MAGI1: variants seen among roughly 807,000 people sequenced by gnomAD.
MAGI1 encodes the protein membrane associated guanylate kinase, WW and PDZ domain containing 1.
Under a neutral mutation model 139.9 loss-of-function variants are expected in MAGI1, and 58 were observed. That is an observed-to-expected ratio of 0.41 (90% CI 0.34 to 0.52). MAGI1 has a LOEUF of 0.52. Among genes scored for constraint, MAGI1 ranks in the 20% least tolerant of loss-of-function variants. MAGI1 has a pLI of 0.12. For missense variants in MAGI1, 1,874 were observed against 1,901.6 expected (o/e 0.99, Z 0.27); for synonymous variants, 812 against 737.9 (o/e 1.10, Z -1.63).
chr3:65,935,517 G>A (rs2063007800), intron 1 of MAGI1, among the ~76,000 whole-genome samples: 1 of 152,188 alleles, frequency 6.6e-6, no homozygotes, highest in Non-Finnish European at 1.5e-5. Context: ...AGCTACTCGG[G>A]AGGCTGAGAT....
rs950976891 is a variant in MAGI1, at chr3:65,453,295, G to A, written c.1005C>T (p.Asn335=). 13 of 1,608,092 alleles carry A rather than the reference G, an allele frequency of 8.1e-6. No homozygotes were observed. The highest frequency in any genetic ancestry group is 1.1e-5 in the Non-Finnish European group (13 of 1,177,460). The change falls in exon 6 of 23, where the codon AAC becomes AAT. Residue 335 remains asparagine (N), a synonymous_variant. Coordinates refer to ENST00000402939, the MANE Select transcript of MAGI1 (RefSeq NM_001033057.2). ...ACTCTTCCAGTGGCTTCTGCTGCTT[G>A]TTTAGGCACCGAGGGTCTAACCAAG... The part of the protein sequence containing the change: ...TTSWLDPRCL[N]KQQKPLEECE...
intron 1 of MAGI1, among the ~76,000 whole-genome samples, chr3:65,624,122 ATCAAG>A (rs1295365497): frequency 3.3e-5 from 5 of 152,248 alleles, no homozygotes; most frequent in Non-Finnish European, 7.3e-5. Context: ...GACTGAAAGT[ATCAAG>A]TGTTGGCAAG....
intron 14 of MAGI1, among the ~76,000 whole-genome samples, chr3:65,388,762 C>G (rs1943652497): frequency 6.7e-6 from 1 of 150,200 alleles, no homozygotes; most frequent in Non-Finnish European, 1.5e-5. Context: ...GGAACAGGTT[C>G]TCATTTGTGC....
chr3:66,021,227 G>A (rs2067943081), intron 1 of MAGI1, among the ~76,000 whole-genome samples: 1 of 152,148 alleles, frequency 6.6e-6, no homozygotes, highest in African/African-American at 2.4e-5. Context: ...TGCCACATGT[G>A]GCTAGGGAAT....
intron 14 of MAGI1, among the ~76,000 whole-genome samples, chr3:65,386,063 G>C (rs2106937818): frequency 6.6e-6 from 1 of 152,232 alleles, no homozygotes; most frequent in Admixed American, 6.5e-5. Context: ...AAGGGCCTCT[G>C]CAGAGACTTC....
chr3:65,504,532 T>C (rs1033539156), intron 2 of MAGI1, among the ~76,000 whole-genome samples: 2 of 152,160 alleles, frequency 1.3e-5, no homozygotes, highest in African/African-American at 4.8e-5. Context: ...TGGGAACTTC[T>C]GTACACAAAG....
chr3:65,833,523 A>G (rs964508448), intron 1 of MAGI1, among the ~76,000 whole-genome samples: 1 of 152,192 alleles, frequency 6.6e-6, no homozygotes, highest in Non-Finnish European at 1.5e-5. Flanking sequence ...AAACAGAAAG[A>G]CTGAAGATGA....
chr3:66,037,051 C>G (rs565186870), intron 1 of MAGI1, among the ~76,000 whole-genome samples: 54 of 152,278 alleles, frequency 3.5e-4, no homozygotes, highest in Admixed American at 2.9e-3. Flanking sequence ...GTCATCCCCC[C>G]ACTCCTTCCT....
chr3:65,580,257 T>C (rs1354781972), intron 2 of MAGI1, among the ~76,000 whole-genome samples: 2 of 152,206 alleles, frequency 1.3e-5, no homozygotes, highest in East Asian at 1.9e-4. Context: ...TTCAATCTAA[T>C]TTGAGATGAG....
intron 1 of MAGI1, among the ~76,000 whole-genome samples, chr3:65,772,588 C>G (rs1280790778): frequency 2.0e-5 from 3 of 152,216 alleles, no homozygotes; most frequent in South Asian, 4.1e-4. Context: ...AGGCCAGGAG[C>G]TGCCACATGG....
At chr3:65,984,710 TTC>T (rs1491138979) in intron 1 of MAGI1, among the ~76,000 whole-genome samples, 13,649 of 43,840 alleles carry the variant, frequency 0.31, 1,127 homozygotes, top group East Asian at 0.44. Flanking sequence ...TAATTTTTTT[TTC>T]TTTTTTTTTT....
intron 2 of MAGI1, among the ~76,000 whole-genome samples, chr3:65,507,688 T>C (rs761246143): frequency 1.1e-3 from 175 of 152,358 alleles, no homozygotes; most frequent in Non-Finnish European, 6.8e-4. Flanking sequence ...CAAAATCATT[T>C]AGACCCAGCT....
chr3:65,365,126 T>C (rs1205205308), intron 18 of MAGI1, 180 bp from the exon 19 acceptor site: 2 of 756,408 alleles, frequency 2.6e-6, no homozygotes, highest in African/African-American at 1.7e-5. Context: ...AGATCTTCTC[T>C]GATGTGGGTC....
intron 1 of MAGI1, among the ~76,000 whole-genome samples, chr3:65,992,380 G>A (rs1486789711): frequency 6.6e-6 from 1 of 152,178 alleles, no homozygotes; most frequent in African/African-American, 2.4e-5. Context: ...AGATCCTTGA[G>A]TACTAGCCTT....
chr3:65,372,386 C>G (rs1165297897), intron 18 of MAGI1, among the ~76,000 whole-genome samples: 1 of 152,088 alleles, frequency 6.6e-6, no homozygotes, highest in African/African-American at 2.4e-5. Flanking sequence ...CTCAATAAAC[C>G]ACAGCACAAC....
intron 1 of MAGI1, among the ~76,000 whole-genome samples, chr3:66,034,053 T>C (rs1156366254): frequency 6.6e-6 from 1 of 152,184 alleles, no homozygotes; most frequent in East Asian, 1.9e-4. Context: ...GTCTATACCC[T>C]AGTACAGTAG....
At chr3:65,741,126 A>T (rs2035225016) in intron 1 of MAGI1, among the ~76,000 whole-genome samples, 1 of 151,986 alleles carries the variant, frequency 6.6e-6, no homozygotes, top group African/African-American at 2.4e-5. Context: ...AGAGAACTTG[A>T]TCAACTGTGG....
At chr3:65,613,120 G>C (rs886095535) in intron 2 of MAGI1, among the ~76,000 whole-genome samples, 43 of 152,120 alleles carry the variant, frequency 2.8e-4, no homozygotes, top group Non-Finnish European at 1.6e-4. Flanking sequence ...TGTGGAGGTG[G>C]TTAGAACTAG....
At chr3:65,391,675 C>T (rs1012286314) in intron 13 of MAGI1, among the ~76,000 whole-genome samples, 1 of 152,146 alleles carries the variant, frequency 6.6e-6, no homozygotes, top group African/African-American at 2.4e-5. Context: ...CAAGATGGAT[C>T]AGTTTTAACA....
Sources: gnomAD v4.1 joint callset for allele counts (sites outside exome capture counted in the v4.1 genomes callset) on GRCh38, gnomAD v4.1.1 for gene constraint, MANE v1.5 for transcripts, NCBI Gene and HGNC (gene_info 2026-07-23, HGNC 2026-07-21) for gene names.